TBC1D8: variants seen among roughly 807,000 people sequenced by gnomAD.
The protein encoded by TBC1D8 is TBC1 domain family member 8.
In TBC1D8, 65 loss-of-function variants were observed where a neutral mutation model predicts 118.8. The observed-to-expected ratio is 0.55, with a 90% confidence interval of 0.45 to 0.67. The LOEUF is 0.67. TBC1D8 is among the 30% of genes least tolerant of loss of function. The pLI is 0.00. For missense variants in TBC1D8, 1,376 were observed against 1,471.2 expected, an observed-to-expected ratio of 0.94 and a Z score of 1.06; for synonymous variants, 566 against 595.8, an observed-to-expected ratio of 0.95 and a Z score of 0.73.
intron 1 of TBC1D8, among the ~76,000 whole-genome samples, chr2:101,147,079 G>A (rs570544840): frequency 2.6e-3 from 52 of 20,060 alleles, no homozygotes; most frequent in Admixed American, 0.019. Context: ...TTGAGAGGCC[G>A]AGGCCGAGGC....
chr2:101,067,463 T>C (rs992139603), intron 2 of TBC1D8, among the ~76,000 whole-genome samples: 1 of 152,206 alleles, frequency 6.6e-6, no homozygotes, highest in African/African-American at 2.4e-5. Flanking sequence ...ATAAAGCAAG[T>C]ATCACAATTA....
chr2:101,137,344 G>C (rs372070903), intron 1 of TBC1D8, among the ~76,000 whole-genome samples: 1 of 146,234 alleles, frequency 6.8e-6, no homozygotes, highest in Admixed American at 6.8e-5. Context: ...ACGGAGTCTC[G>C]CACTCTCGCC....
intron 2 of TBC1D8, among the ~76,000 whole-genome samples, chr2:101,073,813 C>T (rs1475377071): frequency 1.3e-5 from 2 of 152,220 alleles, no homozygotes; most frequent in African/African-American, 4.8e-5. Flanking sequence ...TATCTCTCAA[C>T]CTTCACAGAA....
At position 101,054,118 on chromosome 2, in the gene TBC1D8, C is replaced by T. The variant is rs367989704; in HGVS notation, c.621G>A (p.Leu207=). 4.0e-5 allele frequency: 65 copies of T among 1,611,178 alleles called. No homozygotes were observed. The highest frequency in any genetic ancestry group is 5.3e-5 in the Non-Finnish European group (62 of 1,178,704). ...CCAGGCCTCACTTACGTTCCTTGCC[C>T]AGGAAGAAGGAGTAGAAGCAGAGGT... ...INHLCFYSFF[L]GKELKLVVPW... The change falls in exon 4 of 20, where the codon CTG becomes CTA. Residue 207 remains leucine (L), a synonymous_variant. Transcript: ENST00000409318.
chr2:101,078,408 A>G (rs1674986392), intron 2 of TBC1D8, among the ~76,000 whole-genome samples: 1 of 152,208 alleles, frequency 6.6e-6, no homozygotes. Context: ...GCAAGCAGGA[A>G]GCCTAAGAAT....
rs1438374331 is a variant in TBC1D8 at position 101,011,438 on chromosome 2, A to G, written c.2917+13T>C. On this transcript the variant is annotated intron_variant, in intron 18 of 19. Coordinates refer to ENST00000409318, the MANE Select transcript of TBC1D8 (RefSeq NM_001330348.2). ...GTATGCAGGGGAAAGCAACAATGAA[A>G]AGAGGTACGTGCCATTGGGTTTCCC... 1 of 1,613,724 alleles carries G rather than the reference A, an allele frequency of 6.2e-7. No homozygotes were observed. Among genetic ancestry groups the G allele is most frequent in the Non-Finnish European group, 8.5e-7 (1 of 1,179,668 alleles).
intron 1 of TBC1D8, among the ~76,000 whole-genome samples, chr2:101,125,440 C>T (rs1305165189): frequency 6.6e-6 from 1 of 152,156 alleles, no homozygotes; most frequent in Non-Finnish European, 1.5e-5. Flanking sequence ...CACACACAGG[C>T]CTCCTTCCAG....
Position 101,033,742 on chromosome 2 carries a change from A to G in TBC1D8, c.1620T>C (p.Leu540=). The change falls in exon 10 of 20, where the codon CTT becomes CTC. Residue 540 remains leucine (L), a synonymous_variant. Transcript: ENST00000409318. ...WLLFSDAVTD[L]ASHPGYYGNL... ...TCCCGTAGTAACCAGGGTGTGAGGC[A>G]AGATCCGTCACCGCATCTGAGTTTT... The G allele has an allele frequency of 6.2e-7, 1 of 1,613,028 alleles. No individual in the cohort carries two copies. The highest frequency in any genetic ancestry group is 8.5e-7 in the Non-Finnish European group (1 of 1,179,086).
intron 2 of TBC1D8, among the ~76,000 whole-genome samples, chr2:101,078,093 A>G (rs375286032): frequency 5.3e-5 from 8 of 152,212 alleles, no homozygotes; most frequent in African/African-American, 1.9e-4. Context: ...TGTATCCCCA[A>G]CCAACGAGCA....
intron 1 of TBC1D8, chr2:101,109,870 C>G (rs1677481321): frequency 1.0e-6 from 1 of 985,390 alleles, no homozygotes; most frequent in Admixed American, 6.1e-5. Flanking sequence ...GACTTTCCCT[C>G]CACAAGCCCA....
In TBC1D8 at chr2:101,007,968, A is replaced by G. The variant is rs780844746; in HGVS notation, c.3321T>C (p.Leu1107=). Residue 1107 remains leucine, a synonymous_variant, in exon 20 of 20, where the codon CTT becomes CTC. Coordinates refer to ENST00000409318, the MANE Select transcript of TBC1D8 (RefSeq NM_001330348.2). ...TVSLEHILAS[L]LTEQSLVNFF... is the part of the protein sequence containing the mutation. ...AGTTGACTAATGACTGTTCAGTCAGAAGTGAAGCTAAAATATGTTCAAGGG... is the reference window on the plus strand; with the variant it reads ...AGTTGACTAATGACTGTTCAGTCAGGAGTGAAGCTAAAATATGTTCAAGGG... 29 of 1,613,908 alleles carry G rather than the reference A, an allele frequency of 1.8e-5. 1 individual carries two copies. The South Asian group carries it at 3.2e-4, about 18-fold the overall frequency.
intron 19 of TBC1D8, among the ~76,000 whole-genome samples, 186 bp from the exon 20 acceptor site, chr2:101,008,459 C>T (rs1482586850): frequency 6.6e-6 from 1 of 152,152 alleles, no homozygotes; most frequent in Non-Finnish European, 1.5e-5. Flanking sequence ...AATTTCAGCA[C>T]AGACTTGGAA....
At chr2:101,012,725 G>C (rs894657207) in intron 17 of TBC1D8, among the ~76,000 whole-genome samples, 2 of 152,226 alleles carry the variant, frequency 1.3e-5, no homozygotes, top group South Asian at 4.1e-4. Flanking sequence ...ACAATTATCG[G>C]GGATGACAGG....
At chr2:101,079,996 C>T (rs1675158452) in intron 2 of TBC1D8, among the ~76,000 whole-genome samples, 1 of 151,834 alleles carries the variant, frequency 6.6e-6, no homozygotes, top group African/African-American at 2.4e-5. Context: ...CCAACCAGGT[C>T]CAGTCTTAGG....
intron 2 of TBC1D8, among the ~76,000 whole-genome samples, chr2:101,087,114 A>G (rs1360826270): frequency 1.3e-5 from 2 of 151,952 alleles, no homozygotes; most frequent in African/African-American, 4.8e-5. Flanking sequence ...AAAGTTTACT[A>G]ATTTGTATTG....
At chr2:101,111,141 A>G (rs1245009723) in intron 1 of TBC1D8, among the ~76,000 whole-genome samples, 1 of 152,236 alleles carries the variant, frequency 6.6e-6, no homozygotes, top group Non-Finnish European at 1.5e-5. Context: ...AAATCTACCT[A>G]TTCAAAGTAA....
At chr2:101,025,027 A>C (rs1455551241) in intron 15 of TBC1D8, among the ~76,000 whole-genome samples, 1 of 152,192 alleles carries the variant, frequency 6.6e-6, no homozygotes, top group Non-Finnish European at 1.5e-5. Context: ...TGAAACAAAC[A>C]AACCTGCAGG....
chr2:101,035,170 C>T (rs530069804), intron 9 of TBC1D8, among the ~76,000 whole-genome samples: 34 of 152,246 alleles, frequency 2.2e-4, no homozygotes, highest in African/African-American at 7.0e-4. Context: ...AGCCTCCAGG[C>T]GCCTCCCTGC....
intron 2 of TBC1D8, chr2:101,068,500 G>T: frequency 2.5e-6 from 1 of 402,938 alleles, no homozygotes; most frequent in South Asian, 2.7e-5. Context: ...AAAGGTAGTT[G>T]TCTCTGGAAG....
Sources: gnomAD v4.1 joint callset for allele counts (sites outside exome capture counted in the v4.1 genomes callset) on GRCh38, gnomAD v4.1.1 for gene constraint, MANE v1.5 for transcripts, NCBI Gene and HGNC (gene_info 2026-07-23, HGNC 2026-07-21) for gene names.